Variants in CSMD2 observed in about 807,000 individuals in gnomAD.
The protein encoded by CSMD2 is CUB and Sushi multiple domains 2.
CSMD2 carries 130 observed loss-of-function variants against 398.5 expected under a neutral mutation model. The ratio of observed to expected loss-of-function variants is 0.33; its 90% confidence interval spans 0.28 to 0.38. CSMD2 has a LOEUF of 0.38. CSMD2 is among the 10% of genes least tolerant of loss of function. CSMD2 has a pLI of 1.00. For synonymous variants in CSMD2, 1,828 were observed against 1,908.5 expected (o/e 0.96, Z 1.10); for missense variants, 3,829 against 4,764.9 (o/e 0.80, Z 5.78).
Position 33,663,002 on chromosome 1 carries a change from C to A in CSMD2, c.4143G>T (p.Glu1381Asp). The A allele has an allele frequency of 1.2e-6, 2 of 1,614,184 alleles. No homozygotes were observed. The highest frequency in any genetic ancestry group is 1.7e-6 in the Non-Finnish European group (2 of 1,180,020). The change falls in exon 26 of 71, where the codon GAG (glutamate) becomes GAT (aspartate). Residue 1381 changes from glutamate (E) to aspartate (D), a missense_variant. Glu to Asp is a conservative substitution (Grantham distance 45). Coordinates refer to ENST00000373381, the MANE Select transcript of CSMD2 (RefSeq NM_001281956.2). ...GPVESGVLLKELSGPALPKDL... is the reference protein window; with the variant it reads ...GPVESGVLLKDLSGPALPKDL... ...CCTTGGGCAGGGCCGGGCCACTCAG[C>A]TCCTTCAGCAGAACCCCGCTCTCCA...
At chr1:33,989,378 G>A (rs546217466) in intron 3 of CSMD2, among the ~76,000 whole-genome samples, 6 of 152,088 alleles carry the variant, frequency 3.9e-5, no homozygotes, top group South Asian at 2.1e-4. Flanking sequence ...ATGGCTGATG[G>A]GAATGCAAAA....
At chr1:33,815,816 A>T (rs987382735) in intron 9 of CSMD2, among the ~76,000 whole-genome samples, 1 of 152,260 alleles carries the variant, frequency 6.6e-6, no homozygotes, top group Non-Finnish European at 1.5e-5. Flanking sequence ...ACTGAGGGAC[A>T]TTCTCAGGGC....
chr1:34,006,476 A>C (rs1478371867), intron 3 of CSMD2, among the ~76,000 whole-genome samples: 1 of 152,138 alleles, frequency 6.6e-6, no homozygotes, highest in Non-Finnish European at 1.5e-5. Context: ...TTTCCAGAGG[A>C]ACTTCTCTAG....
chr1:34,107,524 C>G (rs945328426), intron 1 of CSMD2, among the ~76,000 whole-genome samples: 1 of 152,022 alleles, frequency 6.6e-6, no homozygotes, highest in Admixed American at 6.6e-5. Context: ...AGTAATCTGC[C>G]CAAGGTCAGA....
At chr1:33,822,095 G>A (rs771902641) in intron 7 of CSMD2, among the ~76,000 whole-genome samples, 9 of 152,178 alleles carry the variant, frequency 5.9e-5, no homozygotes, top group South Asian at 2.1e-4. Flanking sequence ...GGGAGAAGGC[G>A]TGGTGAGACC....
At chr1:33,759,227 T>C (rs1367403990) in intron 13 of CSMD2, among the ~76,000 whole-genome samples, 1 of 151,514 alleles carries the variant, frequency 6.6e-6, no homozygotes, top group Non-Finnish European at 1.5e-5. Flanking sequence ...GGCATTGAGG[T>C]AGGCAAGAGT....
chr1:33,743,509 G>C lies in CSMD2; in HGVS notation c.1944C>G (p.Ile648Met). 1 of 1,614,032 alleles carries C rather than the reference G, an allele frequency of 6.2e-7. No homozygotes were observed. The highest frequency in any genetic ancestry group is 1.3e-5 in the African/African-American group (1 of 75,054). Residue 648 changes from isoleucine (I) to methionine (M), a missense_variant, in exon 14 of 71, where the codon ATC becomes ATG. Physicochemically the swap from Ile to Met is conservative, Grantham distance 10. Transcript: ENST00000373381. ...GGATGCGGCTCTCAGGCCTGGCCAG[G>C]ATGAGCCAGACACAGTGGAGGTGGT... is the stretch of plus-strand genomic sequence containing the variant. ...YGNHLHCVWL[I>M]LARPESRIHL... is the part of the protein sequence containing the mutation.
chr1:33,772,466 A>T, intron 13 of CSMD2, 103 bp downstream of exon 13: 1 of 996,306 alleles, frequency 1.0e-6, no homozygotes, highest in Non-Finnish European at 1.5e-6. Flanking sequence ...AGCTGTTGTT[A>T]CAACCTGCAA....
chr1:33,960,563 G>C (rs138875321), intron 3 of CSMD2, among the ~76,000 whole-genome samples: 123 of 152,338 alleles, frequency 8.1e-4, no homozygotes, highest in Non-Finnish European at 1.5e-3. Flanking sequence ...TGTTGTGGGG[G>C]AGACAGATGT....
chr1:33,929,215 C>T lies in CSMD2; in HGVS notation c.712+6545G>A, dbSNP rs1008291833. Reference sequence around the variant, plus strand: ...ATCCCCAAAGCACAGCCCCAATCTACGCCTGTCCCTCCACCTCTACTCCGG... The same window carrying T: ...ATCCCCAAAGCACAGCCCCAATCTATGCCTGTCCCTCCACCTCTACTCCGG... On this transcript the variant is annotated intron_variant, in intron 4 of 70. Transcript: ENST00000373381. Among the ~76,000 whole-genome samples, 16 of 152,190 alleles carry T rather than the reference C, an allele frequency of 1.1e-4. 1 individual carries two copies. The highest frequency in any genetic ancestry group is 4.6e-4 in the Admixed American group (7 of 15,294).
chr1:33,827,129 C>T (rs1328565442), intron 6 of CSMD2, among the ~76,000 whole-genome samples: 1 of 152,170 alleles, frequency 6.6e-6, no homozygotes, highest in East Asian at 1.9e-4. Flanking sequence ...TGACTGTGGC[C>T]TCCCATTCTC....
intron 59 of CSMD2, 149 bp downstream of exon 59, chr1:33,540,981 A>T: frequency 2.3e-6 from 2 of 860,570 alleles, no homozygotes; most frequent in Non-Finnish European, 3.6e-6. Context: ...GCAGATGTTC[A>T]GGGGCCAGTT....
At chr1:33,634,272 A>C (rs1394130912) in intron 31 of CSMD2, among the ~76,000 whole-genome samples, 1 of 152,166 alleles carries the variant, frequency 6.6e-6, no homozygotes, top group East Asian at 1.9e-4. Context: ...TGTCTCTCTC[A>C]TCTCTGCAAC....
intron 13 of CSMD2, among the ~76,000 whole-genome samples, chr1:33,749,598 A>G (rs1383370983): frequency 6.6e-6 from 1 of 152,232 alleles, no homozygotes; most frequent in Admixed American, 6.5e-5. Context: ...AAACAGAAAA[A>G]AAAATTGGCT....
In CSMD2 at chr1:33,635,476, C is replaced by T. The variant is rs758110099; in HGVS notation, c.4970-146G>A. ...CCTAGCTTGGAGAAGGCAAGTCCTG[C>T]GGACCCTGCCCTGCCCAAGAACGTG... is the stretch of plus-strand genomic sequence containing the variant. On this transcript the variant is annotated intron_variant, in intron 30 of 70. Coordinates refer to ENST00000373381, the MANE Select transcript of CSMD2 (RefSeq NM_001281956.2). The surrounding 1 kb of genome is among the most constrained non-coding windows in gnomAD (Gnocchi z 5.0). 2.4e-5 allele frequency: 14 copies of T among 574,226 alleles called. No homozygotes were observed. The highest frequency in any genetic ancestry group is 2.4e-4 in the East Asian group (8 of 33,896). The allele number at this position is 574,226 out of a possible 1,614,324, so 35.6% of individuals were successfully genotyped here. A position where few individuals can be genotyped will look rare whatever the true frequency, so the allele number is the denominator to read the frequency against.
chr1:33,963,005 G>GTGAA (rs1645420761), intron 3 of CSMD2, among the ~76,000 whole-genome samples: 1 of 152,214 alleles, frequency 6.6e-6, no homozygotes, highest in Non-Finnish European at 1.5e-5. Context: ...GTAAATATCT[G>GTGAA]TGAATGAATG....
At chr1:33,852,522 C>T (rs1364583505) in intron 5 of CSMD2, among the ~76,000 whole-genome samples, 1 of 152,242 alleles carries the variant, frequency 6.6e-6, no homozygotes, top group Non-Finnish European at 1.5e-5. Flanking sequence ...TGTTGCCCCA[C>T]CTGGCTACTT....
intron 5 of CSMD2, among the ~76,000 whole-genome samples, chr1:33,848,444 C>A (rs570273156): frequency 2.6e-5 from 4 of 152,148 alleles, no homozygotes; most frequent in Admixed American, 6.5e-5. Flanking sequence ...GTTGATCTAG[C>A]CCAACTGGAA....
Position 33,602,357 on chromosome 1 carries a change from C to T in CSMD2, c.6710+12G>A. 2.5e-6 allele frequency: 4 copies of T among 1,613,606 alleles called. No individual in the cohort carries two copies. The highest frequency in any genetic ancestry group is 3.4e-6 in the Non-Finnish European group (4 of 1,179,832). ...CCTTTCTAATTGGCTGTTGACATGG[C>T]ACCTGGCCTACCAGATGGTGATGAA... On this transcript the variant is annotated intron_variant, in intron 43 of 70. Coordinates refer to ENST00000373381, the MANE Select transcript of CSMD2 (RefSeq NM_001281956.2).
Sources: gnomAD v4.1 joint callset for allele counts (sites outside exome capture counted in the v4.1 genomes callset) on GRCh38, gnomAD v4.1.1 for gene constraint, Gnocchi (gnomAD v3.1) non-coding constraint, MANE v1.5 for transcripts, NCBI Gene and HGNC (gene_info 2026-07-23, HGNC 2026-07-21) for gene names.